The following LRIG1 variants were observed in gnomAD, a reference collection of about 807,000 sequenced individuals.
LRIG1 encodes leucine-rich repeats and immunoglobulin-like domains protein 1.
In LRIG1, 48 loss-of-function variants were observed where a neutral mutation model predicts 99.2. The ratio of observed to expected loss-of-function variants is 0.48; its 90% CI spans 0.38 to 0.62. The LOEUF is 0.62. Ranked by LOEUF, LRIG1 falls within the 20% of genes least tolerant of loss-of-function variation. The pLI is 0.00. For synonymous variants in LRIG1, 772 were observed against 596.1 expected, an observed-to-expected ratio of 1.29 and a Z score of -4.30; for missense variants, 1,646 against 1,434.4, an observed-to-expected ratio of 1.15 and a Z score of -2.38.
intron 6 of LRIG1, 56 bp downstream of exon 6, chr3:66,412,810 CCACAT>C: frequency 1.9e-6 from 3 of 1,590,588 alleles, no homozygotes; most frequent in Non-Finnish European, 2.6e-6. Flanking sequence ...CACACACACG[CCACAT>C]CACACCACAC....
chr3:66,468,602 C>T (rs1418491809), intron 1 of LRIG1, among the ~76,000 whole-genome samples: 1 of 152,146 alleles, frequency 6.6e-6, no homozygotes, highest in Non-Finnish European at 1.5e-5. Flanking sequence ...TCCAACAACC[C>T]AACTTCTGAG....
intron 1 of LRIG1, 41 bp downstream of exon 1, chr3:66,500,149 G>A (rs1235218715): frequency 4.1e-5 from 60 of 1,470,128 alleles, no homozygotes; most frequent in Non-Finnish European, 5.3e-5. Flanking sequence ...CCAAGTGACA[G>A]AGCCCCGGGG....
At chr3:66,479,732 C>T (rs142088122) in intron 1 of LRIG1, among the ~76,000 whole-genome samples, 1 of 152,252 alleles carries the variant, frequency 6.6e-6, no homozygotes, top group Non-Finnish European at 1.5e-5. Flanking sequence ...CAAATCAAAA[C>T]CACAACACAA....
intron 11 of LRIG1, 45 bp from the exon 12 acceptor site, chr3:66,394,248 G>A: frequency 6.7e-7 from 1 of 1,502,964 alleles, no homozygotes; most frequent in Non-Finnish European, 8.9e-7. Flanking sequence ...AGCCGCAAAG[G>A]AGGGACACTC....
At chr3:66,478,286 T>C (rs1260885927) in intron 1 of LRIG1, among the ~76,000 whole-genome samples, 1 of 152,178 alleles carries the variant, frequency 6.6e-6, no homozygotes, top group African/African-American at 2.4e-5. Flanking sequence ...TTAACCCCAA[T>C]GGGGCAGAAA....
At chr3:66,420,296 A>T (rs1702760263) in intron 3 of LRIG1, among the ~76,000 whole-genome samples, 1 of 152,210 alleles carries the variant, frequency 6.6e-6, no homozygotes, top group Non-Finnish European at 1.5e-5. Context: ...ACAAAACAAA[A>T]AAACAAACAG....
chr3:66,427,681 T>A (rs986650193), intron 3 of LRIG1, among the ~76,000 whole-genome samples: 2 of 152,246 alleles, frequency 1.3e-5, no homozygotes, highest in African/African-American at 4.8e-5. Flanking sequence ...ACAGGCCATA[T>A]GGCCAAATGC....
chr3:66,436,015 T>G (rs1703345101), intron 3 of LRIG1, among the ~76,000 whole-genome samples: 1 of 152,218 alleles, frequency 6.6e-6, no homozygotes. Context: ...CACTGGGCTC[T>G]GTGTGATTTC....
At chr3:66,472,689 A>G (rs980174918) in intron 1 of LRIG1, among the ~76,000 whole-genome samples, 4 of 152,218 alleles carry the variant, frequency 2.6e-5, no homozygotes, top group Admixed American at 2.0e-4. Context: ...GGATAAAGTG[A>G]TAAGAAAATT....
intron 1 of LRIG1, among the ~76,000 whole-genome samples, chr3:66,498,810 C>A (rs1260062932): frequency 6.6e-6 from 1 of 152,170 alleles, no homozygotes; most frequent in Non-Finnish European, 1.5e-5. Flanking sequence ...GTTCATGGAG[C>A]AGTGTCTCGG....
At chr3:66,386,546 C>A in intron 12 of LRIG1, 1 of 471,264 alleles carries the variant, frequency 2.1e-6, no homozygotes, top group South Asian at 2.9e-5. Flanking sequence ...AGAAATTAAC[C>A]CACCACTTCT....
intron 3 of LRIG1, among the ~76,000 whole-genome samples, chr3:66,430,789 T>C (rs546942044): frequency 6.6e-6 from 1 of 152,148 alleles, no homozygotes; most frequent in East Asian, 1.9e-4. Flanking sequence ...CCACCAGAAT[T>C]CCCAGCCACA....
At chr3:66,432,354 A>G (rs909336349) in intron 3 of LRIG1, among the ~76,000 whole-genome samples, 1 of 152,146 alleles carries the variant, frequency 6.6e-6, no homozygotes, top group Non-Finnish European at 1.5e-5. Context: ...AGGGCCATGG[A>G]TGTCCAGGGA....
chr3:66,409,689 T>G (rs1233742117), intron 7 of LRIG1: 1 of 155,178 alleles, frequency 6.4e-6, no homozygotes, highest in East Asian at 1.9e-4. Flanking sequence ...AGCGTTTCAC[T>G]GTCTCTGTTT....
chr3:66,495,698 C>T (rs887148142), intron 1 of LRIG1, among the ~76,000 whole-genome samples: 1 of 152,218 alleles, frequency 6.6e-6, no homozygotes, highest in African/African-American at 2.4e-5. Context: ...TTTTAAACAA[C>T]CTCCACCCAG....
intron 1 of LRIG1, among the ~76,000 whole-genome samples, chr3:66,463,446 A>T (rs1700402372): frequency 6.6e-6 from 1 of 152,214 alleles, no homozygotes; most frequent in Admixed American, 6.5e-5. Context: ...GTTCAGAATT[A>T]AAACTCTCCC....
chr3:66,493,139 C>A (rs1701142895), intron 1 of LRIG1, among the ~76,000 whole-genome samples: 1 of 152,178 alleles, frequency 6.6e-6, no homozygotes, highest in African/African-American at 2.4e-5. Flanking sequence ...ATTCAGTTAG[C>A]CCTAAAGTCT....
chr3:66,482,129 A>G (rs980817181), intron 1 of LRIG1, among the ~76,000 whole-genome samples: 1 of 152,272 alleles, frequency 6.6e-6, no homozygotes, highest in African/African-American at 2.4e-5. Flanking sequence ...AGAAGGCTGC[A>G]GCAGTACAGG....
chr3:66,418,800 T>G (rs1559789605), intron 3 of LRIG1, among the ~76,000 whole-genome samples: 2 of 152,232 alleles, frequency 1.3e-5, no homozygotes, highest in East Asian at 3.9e-4. Context: ...GGGCTTCTCG[T>G]GGACTCCTTT....
Sources: allele counts gnomAD v4.1 joint callset (sites outside exome capture counted in the v4.1 genomes callset), GRCh38; gene constraint gnomAD v4.1.1; transcripts MANE v1.5; gene names NCBI Gene and HGNC (gene_info 2026-07-23, HGNC 2026-07-21).